The following EIF3F variants were observed in gnomAD, a reference collection of about 807,000 sequenced individuals.
EIF3F encodes eukaryotic translation initiation factor 3 subunit F.
Under a neutral mutation model 36.0 loss-of-function variants are expected in EIF3F, and 8 were observed. The ratio of observed to expected loss-of-function variants is 0.22; its 90% CI spans 0.13 to 0.40. The LOEUF (loss-of-function observed/expected upper bound fraction) is 0.40. Ranked by LOEUF, EIF3F falls within the 10% of genes least tolerant of loss-of-function variation. The pLI is 1.00. For missense variants in EIF3F, 430 were observed against 467.6 expected (o/e 0.92, Z 0.74); for synonymous variants, 184 against 188.5 (o/e 0.98, Z 0.19).
chr11:7,998,391 G>C lies in EIF3F; in HGVS notation c.*2369G>C, dbSNP rs1287015230. On this transcript the variant is annotated 3_prime_UTR_variant, in exon 8 of 8. Coordinates refer to ENST00000651655, the MANE Select transcript of EIF3F (RefSeq NM_003754.3). ...CCAGGCGGCACATCACAGTCTTCTT[G>C]CACTTAGGAACACTTGGCACTGTGC... 1 of 152,210 alleles carries C rather than the reference G, an allele frequency of 6.6e-6. No homozygotes were observed. Among genetic ancestry groups the C allele is most frequent in the Non-Finnish European group, 1.5e-5 (1 of 68,048 alleles). 9.4% of individuals were successfully genotyped at this position (152,210 alleles called of 1,614,324 possible).
chr11:7,993,871 T>C (rs755502774), intron 4 of EIF3F, among the ~76,000 whole-genome samples: 1 of 152,064 alleles, frequency 6.6e-6, no homozygotes, highest in Non-Finnish European at 1.5e-5. Flanking sequence ...ACAATATATA[T>C]ATAAGATCCA....
chr11:7,988,521 A>G (rs1383236849), intron 1 of EIF3F, among the ~76,000 whole-genome samples: 1 of 152,274 alleles, frequency 6.6e-6, no homozygotes, highest in East Asian at 1.9e-4. Flanking sequence ...GAAAAGCACT[A>G]AAGAGGGATT....
In EIF3F at chr11:8,000,303, A is replaced by G. The variant is rs758047456; in HGVS notation, c.*4281A>G. 1.3e-5 allele frequency: 2 copies of G among 152,154 alleles called. No homozygotes were observed. Among genetic ancestry groups the G allele is most frequent in the Admixed American group, 6.5e-5 (1 of 15,276 alleles). The allele number at this position is 152,154 out of a possible 1,614,324, so 9.4% of individuals were successfully genotyped here. On this transcript the variant is annotated 3_prime_UTR_variant, in exon 8 of 8. Transcript: ENST00000651655. The stretch of plus-strand genomic sequence containing the variant: ...AACAACATGGATGGACCTGGAGGAC[A>G]CTATGCTAGTGAAATAAGCCATGAT...
In EIF3F at chr11:7,994,468, C is replaced by G. The variant is rs765487803; in HGVS notation, c.696C>G (p.Phe232Leu). The G allele has an allele frequency of 6.2e-7, 1 of 1,614,074 alleles. No individual in the cohort carries two copies. The highest frequency in any genetic ancestry group is 2.2e-5 in the East Asian group (1 of 44,876). ...GVPGRTMGVM[F>L]TPLTVKYAYY... ...CTGGGAGGACCATGGGAGTGATGTT[C>G]ACGCCTCTGACAGTGAAATACGCGT... is the stretch of plus-strand genomic sequence containing the variant. Residue 232 changes from phenylalanine to leucine, a missense_variant, in exon 5 of 8, where the codon TTC (phenylalanine) becomes TTG (leucine). Phe to Leu is a conservative substitution (Grantham distance 22). This residue lies in a region of EIF3F where 262 missense variants were observed against 347.4 expected (regional missense o/e 0.75). Transcript: ENST00000651655.
At position 7,996,387 on chromosome 11, in the gene EIF3F, A is replaced by T. The variant is rs184576261; in HGVS notation, c.*365A>T. On this transcript the variant is annotated 3_prime_UTR_variant, in exon 8 of 8. Coordinates refer to ENST00000651655, the MANE Select transcript of EIF3F (RefSeq NM_003754.3). ...TCATGTGATTTCTACAGGAAATGAA[A>T]ATAAGAATCCATGGAGAAAAAATAG... 5.5e-6 allele frequency: 1 copy of T among 181,570 alleles called. No homozygotes were observed. The highest frequency in any genetic ancestry group is 2.4e-5 in the African/African-American group (1 of 42,450). The allele number at this position is 181,570 out of a possible 1,614,324, so 11.2% of individuals were successfully genotyped here.
rs1035815286 is a variant in EIF3F, at chr11:7,987,372, C to T, written c.20C>T (p.Pro7Leu). 8 of 1,596,158 alleles carry T rather than the reference C, an allele frequency of 5.0e-6. No homozygotes were observed. The African/African-American group carries it at 8.0e-5, about 16-fold the overall frequency. Residue 7 changes from proline to leucine, a missense_variant, in exon 1 of 8, where the codon CCA (proline) becomes CTA (leucine). By Grantham distance (98) the Pro-to-Leu change is moderately conservative. Around this residue, in one of 2 missense-constraint regions of EIF3F, gnomAD observed 168 missense variants for 120.2 expected, o/e 1.40. Transcript: ENST00000651655. The part of the protein sequence containing the change: MATPAV[P>L]VSAPPATPTP... ...GACAAGATGGCCACACCGGCGGTAC[C>T]AGTAAGTGCTCCTCCGGCCACGCCA...
Position 8,000,294 on chromosome 11 carries a change from C to G in EIF3F, c.*4272C>G, listed in dbSNP as rs924949061. ...CTGATTTACAACAACATGGATGGAC[C>G]TGGAGGACACTATGCTAGTGAAATA... On this transcript the variant is annotated 3_prime_UTR_variant, in exon 8 of 8. Transcript: ENST00000651655. The G allele has an allele frequency of 5.3e-5, 8 of 151,886 alleles. No individual in the cohort carries two copies. The highest frequency in any genetic ancestry group is 1.9e-4 in the African/African-American group (8 of 41,320). The allele number at this position is 151,886 out of a possible 1,614,324, so 9.4% of individuals were successfully genotyped here. A position where few individuals can be genotyped will look rare whatever the true frequency, so the allele number is the denominator to read the frequency against.
chr11:7,988,658 ACTCTTGAACAT>A (rs1942056093), intron 1 of EIF3F, among the ~76,000 whole-genome samples: 1 of 152,108 alleles, frequency 6.6e-6, no homozygotes, highest in Admixed American at 6.5e-5. Flanking sequence ...TCTCTTTCAT[ACTCTTGAACAT>A]CTACTAGTTC....
intron 2 of EIF3F, 78 bp from the exon 3 acceptor site, chr11:7,992,006 G>A (rs1275929615): frequency 5.3e-6 from 8 of 1,509,684 alleles, no homozygotes; most frequent in Non-Finnish European, 7.3e-6. Context: ...GTTTATTGGG[G>A]GTGGCCTCTT....
chr11:7,994,388 C>G (rs375100719), intron 4 of EIF3F, 38 bp from the exon 5 acceptor site: 48 of 1,587,176 alleles, frequency 3.0e-5, no homozygotes, highest in Non-Finnish European at 3.7e-5. Flanking sequence ...AAACCCTCTC[C>G]CAAGGCCATC....
chr11:7,989,761 C>T (rs1942071312), intron 1 of EIF3F, among the ~76,000 whole-genome samples: 1 of 152,114 alleles, frequency 6.6e-6, no homozygotes, highest in African/African-American at 2.4e-5. Flanking sequence ...AAAAAGATGA[C>T]GTTTGAGCTG....
Position 7,995,127 on chromosome 11 carries a change from G to C in EIF3F, c.882+9G>C. ...ATGCAGAGGATGTACTGGTGAGAGG[G>C]GAAAGAAAAAACAAAGGGGGAGGAC... On this transcript the variant is annotated intron_variant, in intron 6 of 7. Transcript: ENST00000651655. 8 of 1,611,406 alleles carry C rather than the reference G, an allele frequency of 5.0e-6. No individual in the cohort carries two copies. Among genetic ancestry groups the C allele is most frequent in the Non-Finnish European group, 6.8e-6 (8 of 1,178,786 alleles).
chr11:7,999,579 A>G lies in EIF3F; in HGVS notation c.*3557A>G, dbSNP rs1942196573. The G allele has an allele frequency of 6.6e-6, 1 of 152,216 alleles. No individual in the cohort carries two copies. Among genetic ancestry groups the G allele is most frequent in the African/African-American group, 2.4e-5 (1 of 41,426 alleles). 9.4% of individuals were successfully genotyped at this position (152,216 alleles called of 1,614,324 possible). A position where few individuals can be genotyped will look rare whatever the true frequency, so the allele number is the denominator to read the frequency against. Reference sequence around the variant, plus strand: ...GAGGGAAACTAGCCCTTCCAGATATAAAATATATTATAGAACTGTGTAATT... The same window carrying G: ...GAGGGAAACTAGCCCTTCCAGATATGAAATATATTATAGAACTGTGTAATT... On this transcript the variant is annotated 3_prime_UTR_variant, in exon 8 of 8. Coordinates refer to ENST00000651655, the MANE Select transcript of EIF3F (RefSeq NM_003754.3).
chr11:7,987,754 C>G (rs768135072), intron 1 of EIF3F, 38 bp downstream of exon 1: 77 of 1,458,226 alleles, frequency 5.3e-5, no homozygotes, highest in Non-Finnish European at 6.9e-5. Context: ...TTTTCTTCCT[C>G]CCACTTCTCA....
chr11:7,995,660 G>A (rs1029928906), intron 7 of EIF3F: 19 of 581,340 alleles, frequency 3.3e-5, no homozygotes, highest in Non-Finnish European at 5.5e-5. Context: ...TAATGAAAAT[G>A]CAATTACTTA....
rs1054488036 is a variant in EIF3F at position 8,001,580 on chromosome 11, A to T, written c.*5558A>T. On this transcript the variant is annotated 3_prime_UTR_variant, in exon 8 of 8. Transcript: ENST00000651655. ...AGAATGAGACAGTCCTCTATATATCAATATGGATAAAGAGTAAGTGAAAAA... is the reference window on the plus strand; with the variant it reads ...AGAATGAGACAGTCCTCTATATATCTATATGGATAAAGAGTAAGTGAAAAA... 6.6e-6 allele frequency: 1 copy of T among 152,216 alleles called. No homozygotes were observed. The highest frequency in any genetic ancestry group is 6.5e-5 in the Admixed American group (1 of 15,290). 9.4% of individuals were successfully genotyped at this position (152,216 alleles called of 1,614,324 possible).
chr11:7,994,576 G>A, intron 5 of EIF3F, 59 bp downstream of exon 5: 2 of 1,516,562 alleles, frequency 1.3e-6, no homozygotes, highest in Non-Finnish European at 1.8e-6. Flanking sequence ...GAAGGGGGCT[G>A]CTAGTCTGCA....
In EIF3F at chr11:7,987,348, A is replaced by G. The variant is rs1230765202; in HGVS notation, c.-5A>G. On this transcript the variant is annotated 5_prime_UTR_variant, in exon 1 of 8. Transcript: ENST00000651655. The stretch of plus-strand genomic sequence containing the variant: ...TCCGCTTCCGCCTCCTTCTTTCTCG[A>G]CAAGATGGCCACACCGGCGGTACCA... 3.8e-6 allele frequency: 6 copies of G among 1,590,544 alleles called. No homozygotes were observed. Among genetic ancestry groups the G allele is most frequent in the Non-Finnish European group, 5.1e-6 (6 of 1,174,832 alleles).
chr11:7,999,186 C>T lies in EIF3F; in HGVS notation c.*3164C>T, dbSNP rs759791139. The T allele has an allele frequency of 6.6e-6, 1 of 152,192 alleles. No individual in the cohort carries two copies. The highest frequency in any genetic ancestry group is 1.5e-5 in the Non-Finnish European group (1 of 68,054). The allele number at this position is 152,192 out of a possible 1,614,324, so 9.4% of individuals were successfully genotyped here. A position where few individuals can be genotyped will look rare whatever the true frequency, so the allele number is the denominator to read the frequency against. On this transcript the variant is annotated 3_prime_UTR_variant, in exon 8 of 8. Transcript: ENST00000651655. The stretch of plus-strand genomic sequence containing the variant: ...TTGGGAAGCTGAGGCAGGAGAATCT[C>T]GAACCCAGGAGGTAGGGGTTGCAGT...
Sources: gnomAD v4.1 joint callset for allele counts (sites outside exome capture counted in the v4.1 genomes callset) on GRCh38, gnomAD v4.1.1 for gene constraint, gnomAD v4.1.1 regional missense constraint, MANE v1.5 for transcripts, NCBI Gene and HGNC (gene_info 2026-07-23, HGNC 2026-07-21) for gene names.